The following NPC1L1 variants were observed in gnomAD, a reference collection of about 807,000 sequenced individuals.
NPC1L1 encodes NPC1 like intracellular cholesterol transporter 1.
NPC1L1 carries 98 observed loss-of-function variants against 117.0 expected under a neutral mutation model. That is an observed-to-expected ratio of 0.84 (90% confidence interval 0.71 to 0.99). NPC1L1 has a LOEUF of 0.99. NPC1L1 is among the 50% of genes least tolerant of loss of function. The pLI is 0.00. For missense variants in NPC1L1, 1,540 were observed against 1,710.0 expected (o/e 0.90, Z 1.75); for synonymous variants, 729 against 727.6 (o/e 1.00, Z -0.03).
intron 10 of NPC1L1, among the ~76,000 whole-genome samples, chr7:44,524,591 C>A (rs2117040287): frequency 6.6e-6 from 1 of 152,032 alleles, no homozygotes; most frequent in South Asian, 2.1e-4. Flanking sequence ...CCTGTCTCTA[C>A]TAAAAATACA....
rs536746218 is a variant in NPC1L1, at chr7:44,535,847, C to G, written c.1976G>C (p.Arg659Pro). The G allele has an allele frequency of 1.9e-6, 3 of 1,612,826 alleles. No homozygotes were observed. Among genetic ancestry groups the G allele is most frequent in the Non-Finnish European group, 2.5e-6 (3 of 1,179,964 alleles). Residue 659 changes from arginine to proline, a missense_variant, in exon 5 of 19, where the codon CGA becomes CCA. Arg to Pro is a moderately radical substitution (Grantham distance 103). Coordinates refer to ENST00000381160, the MANE Select transcript of NPC1L1 (RefSeq NM_001101648.2). ...GTCCCTCCCGCTTCTCACCATCACTCGGCTCCAGCTGGAATAGCTGCCCAG... is the reference window on the plus strand; with the variant it reads ...GTCCCTCCCGCTTCTCACCATCACTGGGCTCCAGCTGGAATAGCTGCCCAG... ...LALGSYSSWS[R>P]VMVDSKATLG...
Position 44,535,855 on chromosome 7 carries a change from G to A in NPC1L1, c.1968C>T (p.Ser656=). 6.2e-7 allele frequency: 1 copy of A among 1,613,174 alleles called. No individual in the cohort carries two copies. Among genetic ancestry groups the A allele is most frequent in the South Asian group, 1.1e-5 (1 of 91,028 alleles). ...YISLALGSYS[S]WSRVMVDSKA... is the part of the protein sequence containing the mutation. Reference sequence around the variant, plus strand: ...CGCTTCTCACCATCACTCGGCTCCAGCTGGAATAGCTGCCCAGGGCCAGAG... The same window carrying A: ...CGCTTCTCACCATCACTCGGCTCCAACTGGAATAGCTGCCCAGGGCCAGAG... Residue 656 remains serine (S), a synonymous_variant, in exon 5 of 19, where the codon AGC becomes AGT. Transcript: ENST00000381160.
At chr7:44,529,320 T>G (rs1216687573) in intron 10 of NPC1L1, among the ~76,000 whole-genome samples, 4 of 151,204 alleles carry the variant, frequency 2.6e-5, no homozygotes, top group Non-Finnish European at 2.9e-5. Flanking sequence ...AAAAAGATAT[T>G]CCATGTAAAT....
In NPC1L1 at chr7:44,536,930, G is replaced by A. The variant is rs758084436; in HGVS notation, c.1593C>T (p.Thr531=). ...GGGCCAGGGCTGTGCCATCCTTGAA[G>A]GTGAGCGGGGCACTAGAGGGAGATG... The part of the protein sequence containing the change: ...HFLYCANAPL[T]FKDGTALALS... The change falls in exon 3 of 19, where the codon ACC becomes ACT. Residue 531 remains threonine (T), a synonymous_variant. Transcript: ENST00000381160. The surrounding 1 kb of genome is among the most constrained non-coding windows in gnomAD (Gnocchi z 4.7). The A allele has an allele frequency of 6.2e-6, 10 of 1,613,972 alleles. No homozygotes were observed. The highest frequency in any genetic ancestry group is 8.5e-6 in the Non-Finnish European group (10 of 1,179,928).
At chr7:44,533,700 A>C (rs1329024772) in intron 7 of NPC1L1, 39 bp downstream of exon 7, 2 of 1,609,520 alleles carry the variant, frequency 1.2e-6, no homozygotes, top group Middle Eastern at 1.7e-4. Context: ...CTAACCCAGC[A>C]AGCCTAATGC....
chr7:44,517,106 G>T, intron 15 of NPC1L1, 101 bp downstream of exon 15: 1 of 1,537,134 alleles, frequency 6.5e-7, no homozygotes. Flanking sequence ...ACCTAAAACT[G>T]GTCCTCATCT....
chr7:44,533,157 C>G (rs1801755961), intron 8 of NPC1L1: 1 of 375,222 alleles, frequency 2.7e-6, no homozygotes, highest in South Asian at 2.3e-5. Flanking sequence ...CAGTCGGTGC[C>G]CTAATCTCCA....
chr7:44,522,676 G>A (rs1219453566), intron 10 of NPC1L1, among the ~76,000 whole-genome samples: 2 of 151,448 alleles, frequency 1.3e-5, no homozygotes, highest in African/African-American at 4.9e-5. Flanking sequence ...ATACTCCAAG[G>A]TTCACAGAAT....
At chr7:44,540,703 G>A (rs1802074107) in intron 1 of NPC1L1, among the ~76,000 whole-genome samples, 1 of 151,996 alleles carries the variant, frequency 6.6e-6, no homozygotes, top group Non-Finnish European at 1.5e-5. Flanking sequence ...CTCTCATGGA[G>A]AGTCTGTTCA....
chr7:44,530,075 C>T (rs1801649705), intron 10 of NPC1L1, among the ~76,000 whole-genome samples: 1 of 148,858 alleles, frequency 6.7e-6, no homozygotes, highest in African/African-American at 2.5e-5. Flanking sequence ...CGGTGGCTCA[C>T]ACCTGTAATC....
rs757477405 is a variant in NPC1L1 at position 44,533,478 on chromosome 7, T to A, written c.2362A>T (p.Met788Leu). ...GAGAGCAGGGCCACAAAGGCTGACA[T>A]CTGCAGGAGGAAGTCAAGGATCACT... ...LAVILDFLLQ[M>L]SAFVALLSLD... is the part of the protein sequence containing the mutation. The change falls in exon 8 of 19, where the codon ATG (methionine) becomes TTG (leucine). Residue 788 changes from methionine (M) to leucine (L), a missense_variant. This residue lies in a region of NPC1L1 where 742 missense variants were observed against 873.6 expected (regional missense o/e 0.85). Transcript: ENST00000381160. The A allele has an allele frequency of 1.9e-6, 3 of 1,613,968 alleles. No individual in the cohort carries two copies. The highest frequency in any genetic ancestry group is 3.3e-5 in the Admixed American group (2 of 60,004).
chr7:44,531,920 A>C, intron 9 of NPC1L1, 76 bp from the exon 10 acceptor site: 1 of 1,524,988 alleles, frequency 6.6e-7, no homozygotes, highest in Non-Finnish European at 8.9e-7. Flanking sequence ...TAAGTCAGTC[A>C]GGGTGTCATG....
intron 14 of NPC1L1, chr7:44,518,730 A>C (rs1801263909): frequency 8.4e-7 from 1 of 1,189,338 alleles, no homozygotes; most frequent in African/African-American, 1.6e-5. Context: ...CTGAAAAAGA[A>C]ACAATAGTGC....
Position 44,535,936 on chromosome 7 carries a change from T to C in NPC1L1, c.1887A>G (p.Thr629=). 3 of 1,613,450 alleles carry C rather than the reference T, an allele frequency of 1.9e-6. No individual in the cohort carries two copies. Among genetic ancestry groups the C allele is most frequent in the Non-Finnish European group, 1.7e-6 (2 of 1,180,032 alleles). The change falls in exon 5 of 19, where the codon ACA becomes ACG. Residue 629 remains threonine (T), a synonymous_variant. Coordinates refer to ENST00000381160, the MANE Select transcript of NPC1L1 (RefSeq NM_001101648.2). ...TGGCAAAGATGGGCAGGTCTTCAGC[T>C]GTGGTGCGATTGATCTCGTCTTCCA... The part of the protein sequence containing the change: ...RSLEDEINRT[T]AEDLPIFATS...
In NPC1L1 at chr7:44,541,189, C is replaced by T; in HGVS notation, c.54+17G>A. The T allele has an allele frequency of 6.5e-7, 1 of 1,549,464 alleles. No homozygotes were observed. The highest frequency in any genetic ancestry group is 8.7e-7 in the Non-Finnish European group (1 of 1,146,776). On this transcript the variant is annotated intron_variant, in intron 1 of 18. Coordinates refer to ENST00000381160, the MANE Select transcript of NPC1L1 (RefSeq NM_001101648.2). ...CTGGAGGCCGCAGGGGAGGTGGAGC[C>T]AAGCCCTGGGACTCACCAAGCGCAG...
chr7:44,516,751 G>A lies in NPC1L1; in HGVS notation c.3471C>T (p.Ala1157=). The A allele has an allele frequency of 6.2e-7, 1 of 1,613,566 alleles. No individual in the cohort carries two copies. The highest frequency in any genetic ancestry group is 8.5e-7 in the Non-Finnish European group (1 of 1,179,840). The part of the protein sequence containing the change: ...MILVDTVGFM[A]LWGISYNAVS... ...CAGCATTGTAACTGATGCCCCACAG[G>A]GCCATGAAGCCGACAGTGTCCACGA... The change falls in exon 16 of 19, where the codon GCC becomes GCT. Residue 1157 remains alanine, a synonymous_variant. Transcript: ENST00000381160.
rs1177917784 is a variant in NPC1L1, at chr7:44,541,253, C to T, written c.7G>A (p.Glu3Lys). The T allele has an allele frequency of 2.1e-5, 32 of 1,549,820 alleles. No homozygotes were observed. Among genetic ancestry groups the T allele is most frequent in the Non-Finnish European group, 2.7e-5 (31 of 1,146,796 alleles). ...AGCAGCCAGCCCCTCAGGCCGGCCT[C>T]CGCCATCCCAGGTCTGGGAAGGGGT... MAEAGLRGWLLWA... is the reference protein window; with the variant it reads MAKAGLRGWLLWA... Residue 3 changes from glutamate (E) to lysine (K), a missense_variant, in exon 1 of 19, where the codon GAG becomes AAG. Around this residue, in one of 3 missense-constraint regions of NPC1L1, gnomAD observed 793 missense variants for 820.4 expected, o/e 0.97. Transcript: ENST00000381160.
At position 44,536,748 on chromosome 7, in the gene NPC1L1, G is replaced by A. The variant is rs532746823; in HGVS notation, c.1681+94C>T. 49 of 1,169,202 alleles carry A rather than the reference G, an allele frequency of 4.2e-5. No homozygotes were observed. The highest frequency in any genetic ancestry group is 4.1e-4 in the African/African-American group (27 of 65,994). The allele number at this position is 1,169,202 out of a possible 1,614,324, so 72.4% of individuals were successfully genotyped here. A position where few individuals can be genotyped will look rare whatever the true frequency, so the allele number is the denominator to read the frequency against. On this transcript the variant is annotated intron_variant, in intron 3 of 18. Transcript: ENST00000381160. The surrounding 1 kb of genome is among the most constrained non-coding windows in gnomAD (Gnocchi z 4.7). ...AGAAGCCAGGCTACCCCCAGGCCGC[G>A]AGAATCCCCAGCACCACTCCCACCC...
In NPC1L1 at chr7:44,513,609, C is replaced by G; in HGVS notation, c.3837G>C (p.Arg1279=). The change falls in exon 19 of 19, where the codon CGG becomes CGC. Residue 1279 remains arginine (R), a synonymous_variant. Coordinates refer to ENST00000381160, the MANE Select transcript of NPC1L1 (RefSeq NM_001101648.2). The part of the protein sequence containing the change: ...VNPALALEQK[R]AEEAVAAVMV... ...TGACTGCTGCCACCGCCTCCTCAGC[C>G]CGCTTCTGCTCCAGTGCCAGAGCCG... 6.2e-7 allele frequency: 1 copy of G among 1,613,690 alleles called. No individual in the cohort carries two copies. Among genetic ancestry groups the G allele is most frequent in the East Asian group, 2.2e-5 (1 of 44,886 alleles).
Sources: allele counts gnomAD v4.1 joint callset (sites outside exome capture counted in the v4.1 genomes callset), GRCh38; gene constraint gnomAD v4.1.1; regional missense constraint gnomAD v4.1.1; non-coding constraint Gnocchi (gnomAD v3.1); transcripts MANE v1.5; gene names NCBI Gene and HGNC (gene_info 2026-07-23, HGNC 2026-07-21).